PRPF31: variants seen among roughly 807,000 people sequenced by gnomAD.
PRPF31 encodes U4/U6 small nuclear ribonucleoprotein Prp31.
In PRPF31, 12 loss-of-function variants were observed where a neutral mutation model predicts 60.4. The observed-to-expected ratio is 0.20, with a 90% CI of 0.13 to 0.32. PRPF31 has a LOEUF of 0.32. Among genes scored for constraint, PRPF31 ranks in the 10% least tolerant of loss-of-function variants. The pLI is 1.00. For missense variants in PRPF31, 431 were observed against 687.1 expected, an observed-to-expected ratio of 0.63 and a Z score of 4.17; for synonymous variants, 287 against 287.9, an observed-to-expected ratio of 1.00 and a Z score of 0.03.
At chr19:54,123,618 CTACACACGCAGGTG>C (rs1326009725) in intron 6 of PRPF31, 58 bp downstream of exon 6, 6 of 1,607,336 alleles carry the variant, frequency 3.7e-6, no homozygotes, top group East Asian at 2.2e-5. Flanking sequence ...TAGGCTGGAG[CTACACACGCAGGTG>C]TACACACGCA....
intron 5 of PRPF31, chr19:54,123,231 T>C: frequency 1.6e-6 from 1 of 609,982 alleles, no homozygotes; most frequent in Non-Finnish European, 2.9e-6. Context: ...CCGGGCTCCG[T>C]TTCCAGGTCA....
intron 13 of PRPF31, among the ~76,000 whole-genome samples, chr19:54,130,069 G>A (rs2146453627): frequency 1.3e-5 from 2 of 150,550 alleles, no homozygotes; most frequent in South Asian, 4.3e-4. Context: ...TGCCAGGCCG[G>A]GCGCAGACAG....
chr19:54,118,766 C>A, intron 3 of PRPF31, 133 bp downstream of exon 3: 1 of 828,568 alleles, frequency 1.2e-6, no homozygotes, highest in Non-Finnish European at 2.0e-6. Context: ...TTTGTTTCAC[C>A]CCAACCCGTT....
chr19:54,126,109 G>T (rs751141939), intron 8 of PRPF31, among the ~76,000 whole-genome samples: 20 of 152,324 alleles, frequency 1.3e-4, no homozygotes, highest in Middle Eastern at 3.4e-3. Context: ...TGTCTCCCTG[G>T]CCACATGACT....
intron 7 of PRPF31, 168 bp from the exon 8 acceptor site, chr19:54,124,331 C>T: frequency 1.4e-6 from 1 of 729,212 alleles, no homozygotes; most frequent in Non-Finnish European, 2.4e-6. Context: ...TTGCATCTGC[C>T]CCTTGCGGAA....
Position 54,118,455 on chromosome 19 carries a change from G to A in PRPF31, c.177G>A (p.Met59Ile), listed in dbSNP as rs1250110496. 1 of 1,614,032 alleles carries A rather than the reference G, an allele frequency of 6.2e-7. No individual in the cohort carries two copies. The change falls in exon 2 of 14, where the codon ATG (methionine) becomes ATA (isoleucine). Residue 59 changes from methionine (M) to isoleucine (I), a missense_variant and splice_region_variant. Physicochemically the swap from Met to Ile is conservative, Grantham distance 10. Coordinates refer to ENST00000321030, the MANE Select transcript of PRPF31 (RefSeq NM_015629.4). Reference protein sequence around the residue: ...KTIAKLWDSKMFAEIMMKIEE... With the variant: ...KTIAKLWDSKIFAEIMMKIEE... Reference sequence around the variant, plus strand: ...TCGCCAAGCTATGGGATAGTAAGATGGTAAGAGGACAAGAGGTGTTCCTAG... The same window carrying A: ...TCGCCAAGCTATGGGATAGTAAGATAGTAAGAGGACAAGAGGTGTTCCTAG...
chr19:54,119,062 G>A (rs1332192080), intron 3 of PRPF31, among the ~76,000 whole-genome samples: 1 of 152,168 alleles, frequency 6.6e-6, no homozygotes, highest in Non-Finnish European at 1.5e-5. Flanking sequence ...CAAAGTCACT[G>A]TATAAAAATA....
chr19:54,124,272 C>T, intron 7 of PRPF31: 2 of 629,866 alleles, frequency 3.2e-6, no homozygotes, highest in Non-Finnish European at 5.5e-6. Flanking sequence ...CTGTTGGGGG[C>T]CTCCTCCCTG....
At chr19:54,123,121 TG>T in intron 5 of PRPF31, 1 of 517,588 alleles carries the variant, frequency 1.9e-6, no homozygotes, top group Non-Finnish European at 3.5e-6. Flanking sequence ...AGGATGGCGG[TG>T]GGGAAGCCCC....
chr19:54,116,265 C>T (rs1183705315), intron 1 of PRPF31, among the ~76,000 whole-genome samples: 1 of 151,184 alleles, frequency 6.6e-6, no homozygotes, highest in Non-Finnish European at 1.5e-5. Flanking sequence ...AGTGCAGTGG[C>T]GCGATCTCGG....
chr19:54,121,234 C>T (rs1029780036), intron 3 of PRPF31, among the ~76,000 whole-genome samples: 2 of 149,896 alleles, frequency 1.3e-5, no homozygotes, highest in Non-Finnish European at 3.0e-5. Context: ...ACCCAGGAGG[C>T]GGAGGTTGCA....
At chr19:54,122,627 G>T (rs1167637229) in intron 5 of PRPF31, 33 bp downstream of exon 5, 2 of 1,555,660 alleles carry the variant, frequency 1.3e-6, no homozygotes, top group South Asian at 1.1e-5. Context: ...GCTTCTGCTG[G>T]CGTGAAGGGG....
At chr19:54,127,645 C>T (rs936078601) in intron 9 of PRPF31, among the ~76,000 whole-genome samples, 1 of 152,216 alleles carries the variant, frequency 6.6e-6, no homozygotes, top group Non-Finnish European at 1.5e-5. Flanking sequence ...TATTCAGTTA[C>T]CTTCTGTCTT....
intron 4 of PRPF31, 121 bp downstream of exon 4, chr19:54,122,064 T>C: frequency 9.6e-7 from 1 of 1,042,310 alleles, no homozygotes; most frequent in Non-Finnish European, 1.4e-6. Flanking sequence ...GAGGTTGACC[T>C]GCTGTCACAG....
At chr19:54,123,244 G>A (rs990051533) in intron 5 of PRPF31, 22 of 617,440 alleles carry the variant, frequency 3.6e-5, no homozygotes, top group Admixed American at 2.9e-4. Context: ...CCAGGTCAGC[G>A]AAAGCAGGGC....
chr19:54,129,853 G>A (rs2074010705), intron 13 of PRPF31, among the ~76,000 whole-genome samples: 1 of 151,834 alleles, frequency 6.6e-6, no homozygotes, highest in Admixed American at 6.6e-5. Flanking sequence ...CCACAGAGCA[G>A]GGCGAGCCTG....
intron 13 of PRPF31, among the ~76,000 whole-genome samples, chr19:54,130,741 G>A (rs2074031789): frequency 1.3e-5 from 2 of 152,112 alleles, no homozygotes; most frequent in African/African-American, 2.4e-5. Context: ...GAGAAGATGA[G>A]GCCAGTGGCT....
intron 2 of PRPF31, 57 bp downstream of exon 2, chr19:54,118,512 G>A: frequency 6.2e-7 from 1 of 1,613,504 alleles, no homozygotes; most frequent in South Asian, 1.1e-5. Flanking sequence ...TCCCAGAAGG[G>A]GGTGATACAG....
chr19:54,131,652 T>C lies in PRPF31; in HGVS notation c.*220T>C, dbSNP rs2074050854. On this transcript the variant is annotated 3_prime_UTR_variant, in exon 14 of 14. Coordinates refer to ENST00000321030, the MANE Select transcript of PRPF31 (RefSeq NM_015629.4). Reference sequence around the variant, plus strand: ...TAGAGCAGGTCTTCATCATGCCTTGTCTTTTTTAACTGAGAAAGGAGATTT... The same window carrying C: ...TAGAGCAGGTCTTCATCATGCCTTGCCTTTTTTAACTGAGAAAGGAGATTT... 1 of 636,394 alleles carries C rather than the reference T, an allele frequency of 1.6e-6. No individual in the cohort carries two copies. The highest frequency in any genetic ancestry group is 2.9e-5 in the Admixed American group (1 of 34,846). 39.4% of individuals were successfully genotyped at this position (636,394 alleles called of 1,614,324 possible).
Sources: allele counts gnomAD v4.1 joint callset (sites outside exome capture counted in the v4.1 genomes callset), GRCh38; gene constraint gnomAD v4.1.1; transcripts MANE v1.5; gene names NCBI Gene and HGNC (gene_info 2026-07-23, HGNC 2026-07-21).